IL1RAPL2: variants seen among roughly 807,000 people sequenced by gnomAD.
IL1RAPL2 encodes interleukin 1 receptor accessory protein like 2.
IL1RAPL2 carries 3 observed loss-of-function variants against 44.1 expected under a neutral mutation model. The ratio of observed to expected loss-of-function variants is 0.07; its 90% CI spans 0.03 to 0.18. IL1RAPL2 has a LOEUF of 0.18. Among genes scored for constraint, IL1RAPL2 ranks in the 10% least tolerant of loss-of-function variants. The pLI, the probability that IL1RAPL2 is intolerant of heterozygous loss-of-function variation, is 1.00. For synonymous variants in IL1RAPL2, 181 were observed against 178.8 expected (o/e 1.01, Z -0.10); for missense variants, 391 against 496.4 (o/e 0.79, Z 2.02).
intron 2 of IL1RAPL2, among the ~76,000 whole-genome samples, chrX:104,748,726 T>C (rs1265390887): frequency 9.0e-6 from 1 of 111,503 alleles, no homozygotes; most frequent in East Asian, 2.8e-4. Flanking sequence ...GAGTAGATCC[T>C]ATAATCTTTA....
chrX:105,649,557 A>T (rs1017372803), intron 6 of IL1RAPL2, among the ~76,000 whole-genome samples: 6 of 111,916 alleles, frequency 5.4e-5, no homozygotes, highest in Non-Finnish European at 1.1e-4. Context: ...AGTCACTACA[A>T]ACTTGAAAAC....
intron 6 of IL1RAPL2, among the ~76,000 whole-genome samples, chrX:105,683,742 T>C (rs941365322): frequency 2.7e-5 from 3 of 112,357 alleles, no homozygotes; most frequent in Non-Finnish European, 5.6e-5. Flanking sequence ...TATATTAATT[T>C]TAACCAAAGC....
At chrX:104,765,687 T>C (rs1932541461) in intron 2 of IL1RAPL2, among the ~76,000 whole-genome samples, 2 of 112,144 alleles carry the variant, frequency 1.8e-5, no homozygotes, top group Non-Finnish European at 3.8e-5. Context: ...GGAGTGACCA[T>C]TTACTTGCAC....
intron 2 of IL1RAPL2, among the ~76,000 whole-genome samples, chrX:104,693,389 T>C (rs1931126572): frequency 8.9e-6 from 1 of 111,755 alleles, no homozygotes; most frequent in African/African-American, 3.3e-5. Context: ...AAGGATCCAC[T>C]TGAGGGACCA....
intron 2 of IL1RAPL2, among the ~76,000 whole-genome samples, chrX:104,680,355 G>T (rs1027011172): frequency 9.0e-6 from 1 of 111,334 alleles, no homozygotes; most frequent in Non-Finnish European, 1.9e-5. Flanking sequence ...AAAATTGTAT[G>T]TGTGGGCATG....
At position 104,673,705 on chromosome X, in the gene IL1RAPL2, C is replaced by T. The variant is rs1379427947; in HGVS notation, c.82+14710C>T. ...ACCTTGGGCAGTATGGCCATTTTCACGATATTGATTCTTCCTACCCATGAG... is the reference window on the plus strand; with the variant it reads ...ACCTTGGGCAGTATGGCCATTTTCATGATATTGATTCTTCCTACCCATGAG... On this transcript the variant is annotated intron_variant, in intron 2 of 10. Transcript: ENST00000372582. Among the ~76,000 whole-genome samples the T allele has an allele frequency of 3.6e-5, 4 of 109,876 alleles. No homozygotes were observed. The East Asian group carries it at 8.6e-4, about 24-fold the overall frequency.
intron 5 of IL1RAPL2, among the ~76,000 whole-genome samples, chrX:105,276,715 G>C (rs1338077369): frequency 1.8e-5 from 2 of 112,431 alleles, no homozygotes; most frequent in Non-Finnish European, 3.7e-5. Flanking sequence ...CTGCATGTTT[G>C]TGGCTTTTGC....
chrX:105,346,899 A>G (rs1447263833), intron 5 of IL1RAPL2, among the ~76,000 whole-genome samples: 1 of 111,979 alleles, frequency 8.9e-6, no homozygotes, highest in East Asian at 2.8e-4. Context: ...GAAAGGGACA[A>G]TTTTAAACAG....
chrX:105,064,569 T>G (rs2032114125), intron 2 of IL1RAPL2, among the ~76,000 whole-genome samples: 1 of 112,541 alleles, frequency 8.9e-6, no homozygotes, highest in Non-Finnish European at 1.9e-5. Flanking sequence ...ATGTAACCAC[T>G]AATATCTGGA....
chrX:105,443,490 C>G (rs1485428958), intron 5 of IL1RAPL2, among the ~76,000 whole-genome samples: 1 of 111,539 alleles, frequency 9.0e-6, no homozygotes, highest in African/African-American at 3.3e-5. Flanking sequence ...CCCCACCTCT[C>G]CCACAATCCC....
chrX:104,700,262 C>A (rs1931253450), intron 2 of IL1RAPL2, among the ~76,000 whole-genome samples: 2 of 111,844 alleles, frequency 1.8e-5, no homozygotes, highest in African/African-American at 6.5e-5. Context: ...AATTGGGCTA[C>A]ATAGAGATTG....
chrX:104,668,213 A>G (rs1329513565), intron 2 of IL1RAPL2, among the ~76,000 whole-genome samples: 1 of 111,392 alleles, frequency 9.0e-6, no homozygotes, highest in African/African-American at 3.3e-5. Context: ...TAGGATATAT[A>G]TTGAATCCAG....
chrX:105,164,589 G>A (rs1245157531), intron 2 of IL1RAPL2, among the ~76,000 whole-genome samples: 1 of 112,191 alleles, frequency 8.9e-6, no homozygotes, highest in Non-Finnish European at 1.9e-5. Flanking sequence ...TTATTGCAAT[G>A]GTTAGCATAC....
chrX:104,824,568 G>A (rs1051516470), intron 2 of IL1RAPL2, among the ~76,000 whole-genome samples: 1 of 111,972 alleles, frequency 8.9e-6, no homozygotes, highest in Non-Finnish European at 1.9e-5. Context: ...TTCAGAACTT[G>A]TTATTGGTCT....
At chrX:105,343,880 C>CTTTTTTTT (rs755496552) in intron 5 of IL1RAPL2, among the ~76,000 whole-genome samples, 3 of 100,441 alleles carry the variant, frequency 3.0e-5, no homozygotes, top group African/African-American at 3.7e-5. Flanking sequence ...TCAAAGTTTT[C>CTTTTTTTT]TTTTTTTTTT....
chrX:104,870,532 G>T lies in IL1RAPL2; in HGVS notation c.82+211537G>T, dbSNP rs180680254. ...GATGTTAAGTAACTGGCTCAAATCC[G>T]CAGCATAAATCAGGCAAGTGGGATC... On this transcript the variant is annotated intron_variant, in intron 2 of 10. Transcript: ENST00000372582. 5.1e-4 allele frequency among the ~76,000 whole-genome samples: 57 copies of T among 112,080 alleles called. No individual in the cohort carries two copies. The East Asian group carries it at 0.015, about 30-fold the overall frequency.
intron 5 of IL1RAPL2, among the ~76,000 whole-genome samples, chrX:105,299,540 G>A (rs1175363426): frequency 4.5e-5 from 5 of 111,263 alleles, no homozygotes; most frequent in Non-Finnish European, 7.5e-5. Context: ...TCCTCTGTGG[G>A]GGTCTTCAAA....
chrX:105,250,770 A>C (rs1173366593), intron 4 of IL1RAPL2, among the ~76,000 whole-genome samples: 1 of 111,026 alleles, frequency 9.0e-6, no homozygotes, highest in Non-Finnish European at 1.9e-5. Flanking sequence ...CAGAATTGCC[A>C]AGAAAATATT....
At chrX:104,948,272 A>C (rs1439258199) in intron 2 of IL1RAPL2, among the ~76,000 whole-genome samples, 1 of 109,501 alleles carries the variant, frequency 9.1e-6, no homozygotes, top group Non-Finnish European at 1.9e-5. Context: ...GATTTTATAT[A>C]CTGAGACTTT....
Sources: gnomAD v4.1 joint callset for allele counts (sites outside exome capture counted in the v4.1 genomes callset) on GRCh38, gnomAD v4.1.1 for gene constraint, MANE v1.5 for transcripts, NCBI Gene and HGNC (gene_info 2026-07-23, HGNC 2026-07-21) for gene names.